Variants in WNK2 observed in about 807,000 individuals in gnomAD.
WNK2 encodes the protein WNK lysine deficient protein kinase 2, also known as serine/threonine-protein kinase WNK2.
WNK2 carries 67 observed loss-of-function variants against 192.1 expected under a neutral mutation model. The observed-to-expected ratio is 0.35, with a 90% CI of 0.29 to 0.43. The LOEUF is 0.43. WNK2 is among the 20% of genes least tolerant of loss of function. WNK2 has a pLI of 1.00. For synonymous variants in WNK2, 1,439 were observed against 1,393.9 expected (o/e 1.03, Z -0.72); for missense variants, 2,698 against 3,089.7 (o/e 0.87, Z 3.01).
Position 93,292,531 on chromosome 9 carries a change from C to G in WNK2, c.5066C>G (p.Thr1689Arg). 1 of 1,581,360 alleles carries G rather than the reference C, an allele frequency of 6.3e-7. No individual in the cohort carries two copies. The highest frequency in any genetic ancestry group is 8.6e-7 in the Non-Finnish European group (1 of 1,161,668). The change falls in exon 23 of 30, where the codon ACA (threonine) becomes AGA (arginine). Residue 1689 changes from threonine to arginine, a missense_variant. Transcript: ENST00000427277. The part of the protein sequence containing the change: ...AFVRPARVEP[T>R]DRDGGEAGES... ...GTGAGACCTGCACGTGTGGAGCCCACAGACAGGGATGGTGGAGAAGCTGGA... is the reference window on the plus strand; with the variant it reads ...GTGAGACCTGCACGTGTGGAGCCCAGAGACAGGGATGGTGGAGAAGCTGGA...
At chr9:93,297,447 T>G (rs935211233) in intron 23 of WNK2, among the ~76,000 whole-genome samples, 1 of 152,232 alleles carries the variant, frequency 6.6e-6, no homozygotes, top group Admixed American at 6.5e-5. Context: ...GTTTCCCCTG[T>G]GGAGGAAATA....
intron 29 of WNK2, chr9:93,319,130 T>C (rs1406431418): frequency 8.7e-6 from 14 of 1,614,040 alleles, no homozygotes; most frequent in Non-Finnish European, 1.2e-5. Flanking sequence ...ATCCCTTCCT[T>C]GTACATGGTG....
At position 93,308,503 on chromosome 9, in the gene WNK2, G is replaced by A. The variant is rs759814170; in HGVS notation, c.6435G>A (p.Thr2145=). 26 of 1,606,850 alleles carry A rather than the reference G, an allele frequency of 1.6e-5. No homozygotes were observed. The South Asian group carries it at 2.2e-4, about 14-fold the overall frequency. Residue 2145 remains threonine, a synonymous_variant, in exon 28 of 30, where the codon ACG becomes ACA. Transcript: ENST00000427277. ...TGGGGGCCGCGCAGCTGAAGCCCAC[G>A]CTCAACCAGCTGAAGCAGACCCAGA... ...KTVGAAQLKP[T]LNQLKQTQKL...
intron 7 of WNK2, among the ~76,000 whole-genome samples, chr9:93,241,717 G>T (rs969756016): frequency 6.6e-6 from 1 of 152,174 alleles, no homozygotes; most frequent in African/African-American, 2.4e-5. Context: ...AGTGAGCTGC[G>T]TGTTTGTCAC....
intron 2 of WNK2, among the ~76,000 whole-genome samples, chr9:93,220,439 C>G (rs981262113): frequency 6.6e-6 from 1 of 152,176 alleles, no homozygotes; most frequent in Non-Finnish European, 1.5e-5. Flanking sequence ...TCAGCACAGC[C>G]GTGCACTAAC....
intron 19 of WNK2, among the ~76,000 whole-genome samples, chr9:93,285,024 A>G (rs968111125): frequency 2.0e-5 from 3 of 152,210 alleles, no homozygotes; most frequent in Admixed American, 6.5e-5. Flanking sequence ...TGATCAATAT[A>G]ATTCTATATA....
intron 28 of WNK2, among the ~76,000 whole-genome samples, chr9:93,312,723 C>T (rs984869291): frequency 1.3e-5 from 2 of 152,150 alleles, no homozygotes; most frequent in Non-Finnish European, 2.9e-5. Flanking sequence ...GTTTTCCCAG[C>T]AGACGTTGTT....
chr9:93,268,341 C>G (rs1221804322), intron 18 of WNK2, among the ~76,000 whole-genome samples: 1 of 152,216 alleles, frequency 6.6e-6, no homozygotes, highest in Non-Finnish European at 1.5e-5. Context: ...ACCCCAGGTT[C>G]TGCTGTGCAC....
intron 19 of WNK2, chr9:93,269,042 G>A (rs1845648338): frequency 3.4e-6 from 4 of 1,182,734 alleles, no homozygotes; most frequent in Non-Finnish European, 4.8e-6. Context: ...CCTTCACAGT[G>A]TTAACCTGGC....
chr9:93,219,043 G>A (rs1836308973), intron 2 of WNK2, among the ~76,000 whole-genome samples: 1 of 152,236 alleles, frequency 6.6e-6, no homozygotes, highest in South Asian at 2.1e-4. Flanking sequence ...GGCCAGGCCT[G>A]TGTCCCTCTG....
At chr9:93,254,064 G>A (rs1317781438) in intron 9 of WNK2, among the ~76,000 whole-genome samples, 4 of 152,128 alleles carry the variant, frequency 2.6e-5, no homozygotes, top group Non-Finnish European at 5.9e-5. Flanking sequence ...TTATAGGCAC[G>A]CGCCACCACG....
intron 2 of WNK2, among the ~76,000 whole-genome samples, chr9:93,209,748 C>T (rs1012962440): frequency 2.0e-5 from 3 of 152,172 alleles, no homozygotes; most frequent in African/African-American, 7.2e-5. Context: ...TGCCTCAAGG[C>T]AGGGTGGAGT....
intron 28 of WNK2, among the ~76,000 whole-genome samples, chr9:93,314,748 A>G (rs1188904636): frequency 6.6e-6 from 1 of 152,176 alleles, no homozygotes; most frequent in Non-Finnish European, 1.5e-5. Flanking sequence ...AGCAAAAAGA[A>G]GTCAGAGGGA....
At chr9:93,222,032 G>T (rs1415448383) in intron 2 of WNK2, among the ~76,000 whole-genome samples, 1 of 152,168 alleles carries the variant, frequency 6.6e-6, no homozygotes, top group Non-Finnish European at 1.5e-5. Context: ...ACTTACCCCT[G>T]GGGCAGGCAG....
chr9:93,213,607 T>A (rs888169091), intron 2 of WNK2, among the ~76,000 whole-genome samples: 8 of 151,974 alleles, frequency 5.3e-5, no homozygotes, highest in African/African-American at 1.9e-4. Context: ...CCAACCAACA[T>A]GGAGAAACCC....
intron 10 of WNK2, chr9:93,256,724 A>G: frequency 3.0e-6 from 2 of 667,718 alleles, no homozygotes; most frequent in Non-Finnish European, 2.5e-6. Flanking sequence ...CATTTCTGCA[A>G]GATCTGCTGT....
In WNK2 at chr9:93,256,408, C is replaced by T; in HGVS notation, c.2144C>T (p.Thr715Ile). ...GCCCCCGTGCTGCCGCCGCCCAGCA[C>T]CCCCATGCCCACGGGCCCAGGCCAG... The part of the protein sequence containing the change: ...SFAPVLPPPS[T>I]PMPTGPGQPA... The change falls in exon 10 of 30, where the codon ACC becomes ATC. Residue 715 changes from threonine to isoleucine, a missense_variant. Physicochemically the swap from Thr to Ile is moderately conservative, Grantham distance 89 (BLOSUM62 -1). Coordinates refer to ENST00000427277, the MANE Select transcript of WNK2 (RefSeq NM_006648.4). 1.3e-6 allele frequency: 2 copies of T among 1,544,844 alleles called. No individual in the cohort carries two copies. The highest frequency in any genetic ancestry group is 1.7e-6 in the Non-Finnish European group (2 of 1,150,888).
At chr9:93,263,785 G>A in intron 15 of WNK2, 51 bp downstream of exon 15, 1 of 333,580 alleles carries the variant, frequency 3.0e-6, no homozygotes, top group Non-Finnish European at 5.8e-6. Flanking sequence ...GGCATGGTGG[G>A]GGTGTGGTGG....
At chr9:93,291,562 C>T (rs1023217749) in intron 21 of WNK2, among the ~76,000 whole-genome samples, 5 of 152,138 alleles carry the variant, frequency 3.3e-5, no homozygotes, top group Non-Finnish European at 7.3e-5. Context: ...TGGATTGGGG[C>T]TCCTTAGGAA....
Sources: allele counts gnomAD v4.1 joint callset (sites outside exome capture counted in the v4.1 genomes callset), GRCh38; gene constraint gnomAD v4.1.1; transcripts MANE v1.5; gene names NCBI Gene and HGNC (gene_info 2026-07-23, HGNC 2026-07-21).